NRG1: variants seen among roughly 807,000 people sequenced by gnomAD.
NRG1 encodes neuregulin 1, also known as pro-neuregulin-1, membrane-bound isoform.
A neutral mutation model predicts 63.8 loss-of-function variants in NRG1; 18 were observed. The observed-to-expected ratio is 0.28, with a 90% CI of 0.19 to 0.42. The LOEUF is 0.42. Among genes scored for constraint, NRG1 ranks in the 10% least tolerant of loss-of-function variants. The probability of loss-of-function intolerance (pLI) is 1.00; values close to 1 mark genes in which losing one functional copy is unlikely to be tolerated. For synonymous variants in NRG1, 302 were observed against 301.3 expected, an observed-to-expected ratio of 1.00 and a Z score of -0.02; for missense variants, 762 against 814.7, an observed-to-expected ratio of 0.94 and a Z score of 0.79.
intron 1 of NRG1, among the ~76,000 whole-genome samples, chr8:32,161,214 G>A (rs1181250768): frequency 6.6e-6 from 1 of 151,880 alleles, no homozygotes; most frequent in Non-Finnish European, 1.5e-5. Flanking sequence ...TCAATTAGCT[G>A]ACATGACTTA....
chr8:32,153,983 C>T (rs917871368), intron 1 of NRG1, among the ~76,000 whole-genome samples: 2 of 152,188 alleles, frequency 1.3e-5, no homozygotes, highest in Non-Finnish European at 2.9e-5. Context: ...GTGCTGGGAA[C>T]AAGTCCTACT....
chr8:32,272,031 C>G (rs1406628557), intron 1 of NRG1, among the ~76,000 whole-genome samples: 1 of 152,186 alleles, frequency 6.6e-6, no homozygotes, highest in Non-Finnish European at 1.5e-5. Context: ...TATTTACTCA[C>G]TCAGGTTAGA....
chr8:31,717,623 T>G (rs34143648), intron 1 of NRG1, among the ~76,000 whole-genome samples: 1,619 of 152,186 alleles, frequency 0.011, 11 homozygotes, highest in Non-Finnish European at 0.017. Flanking sequence ...AGCTGTATCA[T>G]CCAATGCTAT....
intron 1 of NRG1, among the ~76,000 whole-genome samples, chr8:32,538,914 C>T (rs1275925536): frequency 1.3e-5 from 2 of 152,104 alleles, no homozygotes; most frequent in Admixed American, 1.3e-4. Flanking sequence ...AGAAGGAATA[C>T]ACATATTCCA....
At chr8:31,705,604 A>G (rs1443417007) in intron 1 of NRG1, among the ~76,000 whole-genome samples, 1 of 152,226 alleles carries the variant, frequency 6.6e-6, no homozygotes, top group East Asian at 1.9e-4. Flanking sequence ...AAAATCATTG[A>G]AAAGCTATCA....
At chr8:31,991,378 C>CTCTTCTTCTTCTTCT (rs141571361) in intron 1 of NRG1, among the ~76,000 whole-genome samples, 27 of 149,270 alleles carry the variant, frequency 1.8e-4, no homozygotes, top group South Asian at 6.3e-4. Context: ...CCTCCTCCTC[C>CTCTTCTTCTTCTTCT]TCTTCTTCTG....
At chr8:32,514,781 C>T (rs1352236309) in intron 1 of NRG1, among the ~76,000 whole-genome samples, 1 of 151,912 alleles carries the variant, frequency 6.6e-6, no homozygotes, top group Non-Finnish European at 1.5e-5. Context: ...TACTAACAAA[C>T]TCATTGCTTC....
intron 1 of NRG1, among the ~76,000 whole-genome samples, chr8:31,998,854 A>G (rs1812459562): frequency 6.6e-6 from 1 of 151,940 alleles, no homozygotes; most frequent in South Asian, 2.1e-4. Flanking sequence ...CATTTTGATT[A>G]TTATTAAATC....
intron 1 of NRG1, among the ~76,000 whole-genome samples, chr8:32,478,844 C>A (rs2129492499): frequency 6.6e-6 from 1 of 152,296 alleles, no homozygotes; most frequent in Non-Finnish European, 1.5e-5. Flanking sequence ...TTGACGCCCA[C>A]AAGCTGAAAC....
intron 1 of NRG1, among the ~76,000 whole-genome samples, chr8:31,943,933 A>G (rs148865511): frequency 0.022 from 3,341 of 152,304 alleles, 62 homozygotes; most frequent in Non-Finnish European, 0.032. Context: ...GTGGCTGTTT[A>G]TACCAATCTG....
At chr8:32,652,663 C>CA (rs1176498852) in intron 5 of NRG1, among the ~76,000 whole-genome samples, 2 of 151,890 alleles carry the variant, frequency 1.3e-5, no homozygotes, top group African/African-American at 2.4e-5. Flanking sequence ...TACAAACATA[C>CA]AAAAAAAATC....
chr8:32,559,854 G>GAA (rs1412298362), intron 1 of NRG1, among the ~76,000 whole-genome samples: 2 of 146,736 alleles, frequency 1.4e-5, no homozygotes, highest in Non-Finnish European at 3.0e-5. Context: ...AAAAAAAAAA[G>GAA]AAAGAAAAAG....
intron 5 of NRG1, among the ~76,000 whole-genome samples, chr8:32,674,744 A>G (rs1395925737): frequency 6.6e-6 from 1 of 152,220 alleles, no homozygotes; most frequent in Non-Finnish European, 1.5e-5. Flanking sequence ...TATGGAAAGA[A>G]CAAATGGTAT....
At chr8:31,844,321 C>T (rs1409427800) in intron 1 of NRG1, among the ~76,000 whole-genome samples, 4 of 152,164 alleles carry the variant, frequency 2.6e-5, no homozygotes, top group African/African-American at 9.7e-5. Flanking sequence ...CCTAGAACCA[C>T]CCTCCATGCA....
intron 1 of NRG1, among the ~76,000 whole-genome samples, chr8:31,655,185 G>A (rs1366758567): frequency 1.3e-5 from 2 of 152,126 alleles, no homozygotes; most frequent in Non-Finnish European, 2.9e-5. Flanking sequence ...TTCAGCAAAT[G>A]TTTATCAGGC....
At chr8:32,356,474 A>ACCCCCCCCCCCCCCCCCCCGGCCC (rs11426642) in intron 1 of NRG1, among the ~76,000 whole-genome samples, 1 of 69,324 alleles carries the variant, frequency 1.4e-5, no homozygotes, top group African/African-American at 5.9e-5. Flanking sequence ...CCTTGTTGGG[A>ACCCCCCCCCCCCCCCCCCCGGCCC]CCCCCCCCCC....
chr8:32,588,353 A>G (rs1841983990), intron 1 of NRG1, among the ~76,000 whole-genome samples: 2 of 152,166 alleles, frequency 1.3e-5, no homozygotes, highest in South Asian at 4.1e-4. Context: ...CCTCAAATCA[A>G]ATATCTTAAA....
intron 1 of NRG1, among the ~76,000 whole-genome samples, chr8:32,181,227 G>A (rs1341334514): frequency 6.6e-6 from 1 of 152,132 alleles, no homozygotes; most frequent in African/African-American, 2.4e-5. Context: ...AAGAACTCCA[G>A]CTAGTTATTA....
chr8:32,118,046 T>G (rs899461312), intron 1 of NRG1, among the ~76,000 whole-genome samples: 3 of 152,144 alleles, frequency 2.0e-5, no homozygotes, highest in Admixed American at 6.5e-5. Flanking sequence ...TTCTGGGAAT[T>G]GTTACCTCTC....
Sources: gnomAD v4.1 joint callset for allele counts (sites outside exome capture counted in the v4.1 genomes callset) on GRCh38, gnomAD v4.1.1 for gene constraint, MANE v1.5 for transcripts, NCBI Gene and HGNC (gene_info 2026-07-23, HGNC 2026-07-21) for gene names.